The following ANKFY1 variants were observed in gnomAD, a reference collection of about 807,000 sequenced individuals.
The protein encoded by ANKFY1 is ankyrin repeat and FYVE domain containing 1, also known as ankyrin repeat and FYVE domain-containing protein 1.
ANKFY1 carries 47 observed loss-of-function variants against 128.3 expected under a neutral mutation model. That is an observed-to-expected ratio of 0.37 (90% CI 0.29 to 0.47). ANKFY1 has a LOEUF of 0.47. Among genes scored for constraint, ANKFY1 ranks in the 20% least tolerant of loss-of-function variants. The pLI, the probability that ANKFY1 is intolerant of heterozygous loss-of-function variation, is 1.00. For missense variants in ANKFY1, 1,222 were observed against 1,510.6 expected (o/e 0.81, Z 3.17); for synonymous variants, 553 against 601.6 (o/e 0.92, Z 1.18).
At chr17:4,175,874 G>A (rs1006679759) in intron 19 of ANKFY1, among the ~76,000 whole-genome samples, 13 of 152,182 alleles carry the variant, frequency 8.5e-5, no homozygotes, top group African/African-American at 1.2e-4. Flanking sequence ...AGGAGCACAC[G>A]GACACTGGAA....
intron 17 of ANKFY1, chr17:4,179,358 C>T (rs1261378433): frequency 5.7e-6 from 3 of 526,190 alleles, no homozygotes; most frequent in Non-Finnish European, 1.0e-5. Context: ...ATATATAAAT[C>T]TGCACAGGCT....
intron 3 of ANKFY1, among the ~76,000 whole-genome samples, chr17:4,231,597 C>A (rs902569633): frequency 6.6e-6 from 1 of 152,080 alleles, no homozygotes; most frequent in African/African-American, 2.4e-5. Context: ...TATCCAAACA[C>A]CTTTAAAGTG....
At chr17:4,171,079 T>G (rs1022526197) in intron 22 of ANKFY1, among the ~76,000 whole-genome samples, 2 of 152,204 alleles carry the variant, frequency 1.3e-5, no homozygotes, top group African/African-American at 4.8e-5. Flanking sequence ...CAAAGAATTC[T>G]AGAGCAGCTG....
intron 1 of ANKFY1, among the ~76,000 whole-genome samples, chr17:4,261,026 T>C (rs1370094205): frequency 6.6e-6 from 1 of 152,198 alleles, no homozygotes; most frequent in Admixed American, 6.5e-5. Flanking sequence ...AGCAGTAGTA[T>C]TAATATCCCA....
rs1323920052 is a variant in ANKFY1 at position 4,164,428 on chromosome 17, T to C, written c.*3351A>G. On this transcript the variant is annotated 3_prime_UTR_variant, in exon 25 of 25. Transcript: ENST00000341657. ...GTGAGAAGGTGGCTCCCAAGTCCCT[T>C]TGGTGAGTTGGTGCCACCTGCTTCC... 1.3e-5 allele frequency: 2 copies of C among 152,556 alleles called. No individual in the cohort carries two copies. Among genetic ancestry groups the C allele is most frequent in the East Asian group, 3.9e-4 (2 of 5,194 alleles). The allele number at this position is 152,556 out of a possible 1,614,324, so 9.5% of individuals were successfully genotyped here. A position where few individuals can be genotyped will look rare whatever the true frequency, so the allele number is the denominator to read the frequency against.
intron 16 of ANKFY1, chr17:4,180,100 T>G (rs758932191): frequency 6.6e-5 from 38 of 579,636 alleles, no homozygotes; most frequent in Non-Finnish European, 1.0e-4. Context: ...ATCAGAATTG[T>G]TAGAAACTTC....
At chr17:4,188,276 G>C (rs1322820641) in intron 11 of ANKFY1, 1 of 152,402 alleles carries the variant, frequency 6.6e-6, no homozygotes, top group Admixed American at 6.5e-5. Context: ...CAGACACATA[G>C]TGGAGTCAGC....
At chr17:4,260,001 CG>C (rs1968322833) in intron 1 of ANKFY1, among the ~76,000 whole-genome samples, 1 of 152,134 alleles carries the variant, frequency 6.6e-6, no homozygotes, top group South Asian at 2.1e-4. Context: ...AGCAGCATGT[CG>C]GGCACACACA....
At chr17:4,221,311 A>C (rs1037163415) in intron 3 of ANKFY1, among the ~76,000 whole-genome samples, 4 of 152,154 alleles carry the variant, frequency 2.6e-5, no homozygotes, top group African/African-American at 9.7e-5. Flanking sequence ...TCCCAGGCTC[A>C]ATCAATTCTC....
rs1210971349 is a variant in ANKFY1 at position 4,197,422 on chromosome 17, C to T, written c.1054G>A (p.Ala352Thr). 5 of 1,614,210 alleles carry T rather than the reference C, an allele frequency of 3.1e-6. No homozygotes were observed. The highest frequency in any genetic ancestry group is 4.2e-6 in the Non-Finnish European group (5 of 1,180,040). ...VMSEMAQIAE[A>T]LLQAGANPNM... ...GGGTTGGCACCAGCCTGCAGAAGGGCCTCTGCAATCTGCGCCATCTCAGAC... is the reference window on the plus strand; with the variant it reads ...GGGTTGGCACCAGCCTGCAGAAGGGTCTCTGCAATCTGCGCCATCTCAGAC... The change falls in exon 8 of 25, where the codon GCC becomes ACC. Residue 352 changes from alanine to threonine, a missense_variant. Transcript: ENST00000341657.
At chr17:4,182,642 G>A (rs893386) in intron 14 of ANKFY1, among the ~76,000 whole-genome samples, 139,048 of 152,210 alleles carry the variant, frequency 0.91, 64,848 homozygotes, top group Non-Finnish European at 1. Context: ...AACCCTCCTG[G>A]CAAACCTTCC....
chr17:4,199,641 C>T lies in ANKFY1; in HGVS notation c.899-2064G>A, dbSNP rs149176023. ...ACATTTGTGAAAATACTTTGTCAGACACTAGTAAAGAGAAATTGACTCTAG... is the reference window on the plus strand; with the variant it reads ...ACATTTGTGAAAATACTTTGTCAGATACTAGTAAAGAGAAATTGACTCTAG... On this transcript the variant is annotated intron_variant, in intron 7 of 24. Transcript: ENST00000341657. Among the ~76,000 whole-genome samples the T allele has an allele frequency of 1.3e-4, 20 of 152,284 alleles. No homozygotes were observed. The East Asian group carries it at 3.7e-3, about 28-fold the overall frequency.
rs578254398 is a variant in ANKFY1, at chr17:4,263,946, G to C, written c.-5C>G. 1.2e-6 allele frequency: 2 copies of C among 1,614,034 alleles called. No homozygotes were observed. The highest frequency in any genetic ancestry group is 1.3e-5 in the African/African-American group (1 of 75,076). On this transcript the variant is annotated 5_prime_UTR_variant, in exon 1 of 25. Transcript: ENST00000341657. ...AAAAACCCTACCTTCCGCCATGTCT[G>C]GCCCGGCACTGCCTGCAACCTCGCG... is the stretch of plus-strand genomic sequence containing the variant.
chr17:4,169,299 G>T lies in ANKFY1; in HGVS notation c.3287-11C>A. ...CCTTGGACAGCATATCTGCAACACA[G>T]GGGGGAGGCCCGGTCCCGTCAAACC... On this transcript the variant is annotated splice_polypyrimidine_tract_variant and intron_variant, in intron 23 of 24. Coordinates refer to ENST00000341657, the MANE Select transcript of ANKFY1 (RefSeq NM_001330063.2). This position sits in a 1 kb window ranked among gnomAD's most constrained non-coding sequence, Gnocchi z 5.0. 2 of 1,540,136 alleles carry T rather than the reference G, an allele frequency of 1.3e-6. No homozygotes were observed. The highest frequency in any genetic ancestry group is 1.8e-6 in the Non-Finnish European group (2 of 1,138,830).
chr17:4,247,561 A>G (rs1312042925), intron 1 of ANKFY1, among the ~76,000 whole-genome samples: 1 of 152,228 alleles, frequency 6.6e-6, no homozygotes, highest in Non-Finnish European at 1.5e-5. Context: ...TTCAATTGCC[A>G]TACCATTTCA....
chr17:4,183,831 C>T lies in ANKFY1; in HGVS notation c.1779G>A (p.Leu593=). 1.2e-6 allele frequency: 2 copies of T among 1,613,360 alleles called. No individual in the cohort carries two copies. The highest frequency in any genetic ancestry group is 1.7e-6 in the Non-Finnish European group (2 of 1,179,248). ...CCTTACCAGTCCATAATGCCAGGCC[C>T]AGCACAGTCTGGTCTCGGGAATCTT... is the stretch of plus-strand genomic sequence containing the variant. ...SLKDSRDQTV[L]GLALWTGMHT... Residue 593 remains leucine, a synonymous_variant, in exon 13 of 25, where the codon CTG becomes CTA. Coordinates refer to ENST00000341657, the MANE Select transcript of ANKFY1 (RefSeq NM_001330063.2).
At chr17:4,186,814 G>A (rs1481445811) in intron 11 of ANKFY1, 1 of 991,968 alleles carries the variant, frequency 1.0e-6, no homozygotes, top group Non-Finnish European at 1.2e-6. Context: ...GCCATTATCT[G>A]CAAGGAAGAG....
chr17:4,214,612 A>G (rs998940135), intron 4 of ANKFY1, among the ~76,000 whole-genome samples: 6 of 143,252 alleles, frequency 4.2e-5, no homozygotes, highest in Admixed American at 7.3e-5. Flanking sequence ...CACAACCTCC[A>G]CCTCCCAGGT....
Position 4,189,465 on chromosome 17 carries a change from G to T in ANKFY1, c.1387C>A (p.Gln463Lys). ...PDTATGNCLL[Q>K]RAAGAGNEAA... is the part of the protein sequence containing the mutation. ...TCGTTTCCTGCTCCAGCTGCCCGCT[G>T]TAGTAAACAGTTTCCTAAAAGAAAA... The change falls in exon 11 of 25, where the codon CAG becomes AAG. Residue 463 changes from glutamine to lysine, a missense_variant. Physicochemically the swap from Gln to Lys is moderately conservative, Grantham distance 53. Transcript: ENST00000341657. 1 of 1,583,182 alleles carries T rather than the reference G, an allele frequency of 6.3e-7. No individual in the cohort carries two copies.
Sources: allele counts gnomAD v4.1 joint callset (sites outside exome capture counted in the v4.1 genomes callset), GRCh38; gene constraint gnomAD v4.1.1; non-coding constraint Gnocchi (gnomAD v3.1); transcripts MANE v1.5; gene names NCBI Gene and HGNC (gene_info 2026-07-23, HGNC 2026-07-21).